The following NECAB2 variants were observed in gnomAD, a reference collection of about 807,000 sequenced individuals.
NECAB2 encodes N-terminal EF-hand calcium-binding protein 2.
Under a neutral mutation model 51.9 loss-of-function variants are expected in NECAB2, and 68 were observed. That is an observed-to-expected ratio of 1.31 (90% CI 1.08 to 1.60). The LOEUF (loss-of-function observed/expected upper bound fraction) is 1.60. Ranked by LOEUF, NECAB2 falls within the 40% of genes most tolerant of loss-of-function variation. The pLI is 0.00. For synonymous variants in NECAB2, 329 were observed against 203.5 expected, an observed-to-expected ratio of 1.62 and a Z score of -5.25; for missense variants, 854 against 490.3, an observed-to-expected ratio of 1.74 and a Z score of -7.00.
chr16:83,968,962 C>A, intron 1 of NECAB2, 113 bp downstream of exon 1: 1 of 608,694 alleles, frequency 1.6e-6, no homozygotes, highest in Non-Finnish European at 2.1e-6. Context: ...CCTACCCGGG[C>A]AGGAGACCCC....
At position 83,968,385 on chromosome 16, in the gene NECAB2, G is replaced by A. The variant is rs970155788; in HGVS notation, c.-264G>A. ...TCCGGGTAGCCCCCTCTGTGGCTGCGCCCGCGCCCCTCGCCCCGGCGGGCA... is the reference window on the plus strand; with the variant it reads ...TCCGGGTAGCCCCCTCTGTGGCTGCACCCGCGCCCCTCGCCCCGGCGGGCA... On this transcript the variant is annotated 5_prime_UTR_variant, in exon 1 of 13. Coordinates refer to ENST00000305202, the MANE Select transcript of NECAB2 (RefSeq NM_019065.3). Among the ~76,000 whole-genome samples, 3 of 149,964 alleles carry A rather than the reference G, an allele frequency of 2.0e-5. No homozygotes were observed. The highest frequency in any genetic ancestry group is 2.0e-4 in the East Asian group (1 of 5,072).
chr16:83,976,957 C>A (rs916434574), intron 2 of NECAB2, among the ~76,000 whole-genome samples: 6 of 152,260 alleles, frequency 3.9e-5, no homozygotes, highest in African/African-American at 7.2e-5. Context: ...CCAAGTACGT[C>A]TGCCATGTCG....
chr16:83,974,456 G>T (rs554924206), intron 2 of NECAB2, among the ~76,000 whole-genome samples: 1 of 152,280 alleles, frequency 6.6e-6, no homozygotes, highest in African/African-American at 2.4e-5. Flanking sequence ...CGCAGGTGTG[G>T]CTTGTCCAGA....
At chr16:83,992,911 C>A (rs1019365644) in intron 6 of NECAB2, among the ~76,000 whole-genome samples, 1 of 152,060 alleles carries the variant, frequency 6.6e-6, no homozygotes, top group African/African-American at 2.4e-5. Flanking sequence ...GAAAAACTTG[C>A]TGTTTTTCTC....
chr16:83,999,207 T>G (rs1567679696), intron 10 of NECAB2, among the ~76,000 whole-genome samples: 1 of 151,546 alleles, frequency 6.6e-6, no homozygotes, highest in Non-Finnish European at 1.5e-5. Flanking sequence ...TGGGCAGGAG[T>G]GCGGCCGTTC....
intron 2 of NECAB2, 32 bp downstream of exon 2, chr16:83,972,207 C>A (rs1341018942): frequency 1.4e-5 from 22 of 1,613,416 alleles, no homozygotes; most frequent in Non-Finnish European, 1.7e-5. Flanking sequence ...ACGGCCGCCC[C>A]ACTCCTTCTG....
chr16:83,988,306 T>C (rs867535328), intron 5 of NECAB2, among the ~76,000 whole-genome samples: 1 of 152,362 alleles, frequency 6.6e-6, no homozygotes, highest in African/African-American at 2.4e-5. Context: ...CCTGTTTATA[T>C]CATGGATTAT....
intron 5 of NECAB2, among the ~76,000 whole-genome samples, chr16:83,983,674 A>G (rs556536000): frequency 6.6e-6 from 1 of 152,164 alleles, no homozygotes; most frequent in South Asian, 2.1e-4. Context: ...CCTGTGATAA[A>G]CCCTAATTGG....
intron 1 of NECAB2, among the ~76,000 whole-genome samples, chr16:83,969,279 A>T (rs1277719730): frequency 2.7e-5 from 4 of 149,192 alleles, no homozygotes; most frequent in African/African-American, 9.9e-5. Flanking sequence ...ACCCCTAACA[A>T]CCCCTACCTC....
chr16:83,971,018 C>T (rs553097967), intron 1 of NECAB2, among the ~76,000 whole-genome samples: 10 of 151,982 alleles, frequency 6.6e-5, no homozygotes, highest in Admixed American at 5.9e-4. Context: ...TGCTTGAACC[C>T]GGGAGGCAGA....
chr16:84,000,616 A>G (rs1156339564), intron 10 of NECAB2, 108 bp from the exon 11 acceptor site: 1 of 778,186 alleles, frequency 1.3e-6, no homozygotes, highest in East Asian at 2.5e-5. Flanking sequence ...GAAACATTGA[A>G]GGCAGCCGTT....
intron 1 of NECAB2, chr16:83,971,347 G>A (rs2084345006): frequency 6.6e-6 from 1 of 152,204 alleles, no homozygotes; most frequent in Non-Finnish European, 1.5e-5. Context: ...GTGTGGCCCG[G>A]GCTGAGGAGG....
At chr16:83,999,791 G>A (rs749520540) in intron 10 of NECAB2, among the ~76,000 whole-genome samples, 11 of 152,142 alleles carry the variant, frequency 7.2e-5, no homozygotes, top group Admixed American at 2.0e-4. Context: ...GTCAGGTCAG[G>A]TACAGTGCAG....
chr16:83,980,873 C>T lies in NECAB2; in HGVS notation c.361+9C>T, dbSNP rs1320246572. ...CACCAAGGAGCTGTGTGGTAGGTGC[C>T]TGGCTATGCTGGGACCAAGATGGGG... On this transcript the variant is annotated intron_variant, in intron 4 of 12. Transcript: ENST00000305202. The T allele has an allele frequency of 1.9e-6, 3 of 1,611,094 alleles. No individual in the cohort carries two copies. Among genetic ancestry groups the T allele is most frequent in the African/African-American group, 2.7e-5 (2 of 74,934 alleles).
In NECAB2 at chr16:83,988,409, C is replaced by G. The variant is rs189336119; in HGVS notation, c.460-2085C>G. On this transcript the variant is annotated intron_variant, in intron 5 of 12. Transcript: ENST00000305202. Reference sequence around the variant, plus strand: ...TTCTTAATCCTATTTTTATACTTAGCTAATTAACACTTTCTCTTCCCTTTG... The same window carrying G: ...TTCTTAATCCTATTTTTATACTTAGGTAATTAACACTTTCTCTTCCCTTTG... Among the ~76,000 whole-genome samples, 16 of 152,234 alleles carry G rather than the reference C, an allele frequency of 1.1e-4. No homozygotes were observed. In the East Asian group the frequency reaches 2.1e-3, roughly 20 times the overall value.
At chr16:83,986,768 C>T (rs1378169530) in intron 5 of NECAB2, among the ~76,000 whole-genome samples, 1 of 151,870 alleles carries the variant, frequency 6.6e-6, no homozygotes, top group East Asian at 1.9e-4. Flanking sequence ...AATCATCTCC[C>T]CACCTTGGCT....
rs1555548061 is a variant in NECAB2 at position 83,992,209 on chromosome 16, C to CACAA, written c.596+1579_596+1580insACAA. Among the ~76,000 whole-genome samples, 151 of 82,818 alleles carry CACAA rather than the reference C, an allele frequency of 1.8e-3. No individual in the cohort carries two copies. In the African/African-American group the frequency reaches 0.058, roughly 32 times the overall value. 54.3% of individuals were successfully genotyped at this position (82,818 alleles called of 152,430 possible). On this transcript the variant is annotated intron_variant, in intron 6 of 12. Coordinates refer to ENST00000305202, the MANE Select transcript of NECAB2 (RefSeq NM_019065.3). ...AAAGAGACGTGAAAGAGGAGTGTTTCTTTCTGGTCTTGTGTTAGGCCTTGT... is the reference window on the plus strand; with the variant it reads ...AAAGAGACGTGAAAGAGGAGTGTTTCACAATTTCTGGTCTTGTGTTAGGCCTTGT...
chr16:83,988,917 A>C (rs1194884930), intron 5 of NECAB2, among the ~76,000 whole-genome samples: 1 of 151,970 alleles, frequency 6.6e-6, no homozygotes, highest in African/African-American at 2.4e-5. Flanking sequence ...TACATGGGGG[A>C]ATGTAGGCTG....
At chr16:84,000,649 C>A in intron 10 of NECAB2, 75 bp from the exon 11 acceptor site, 1 of 1,333,842 alleles carries the variant, frequency 7.5e-7, no homozygotes. Flanking sequence ...GGGTCTCAGG[C>A]CACCCCAGGG....
Sources: gnomAD v4.1 joint callset for allele counts (sites outside exome capture counted in the v4.1 genomes callset) on GRCh38, gnomAD v4.1.1 for gene constraint, MANE v1.5 for transcripts, NCBI Gene and HGNC (gene_info 2026-07-23, HGNC 2026-07-21) for gene names.